The following FBN3 variants were observed in gnomAD, a reference collection of about 807,000 sequenced individuals.
The protein encoded by FBN3 is fibrillin 3, also known as fibrillin-3.
Under a neutral mutation model 330.1 loss-of-function variants are expected in FBN3, and 234 were observed. The ratio of observed to expected loss-of-function variants is 0.71; its 90% CI spans 0.64 to 0.79. FBN3 has a LOEUF of 0.79. Ranked by LOEUF, FBN3 falls within the 30% of genes least tolerant of loss-of-function variation. The pLI, the probability that FBN3 is intolerant of heterozygous loss-of-function variation, is 0.00. For synonymous variants in FBN3, 1,458 were observed against 1,517.3 expected (o/e 0.96, Z 0.91); for missense variants, 3,606 against 3,886.9 (o/e 0.93, Z 1.92).
At position 8,130,567 on chromosome 19, in the gene FBN3, GGAAAGAAAGAAAGAATGAAAGAAAGAAA is replaced by G. The variant is rs1463804535; in HGVS notation, c.2044+640_2044+667del. ...GAAAGAAAGAGAGAGAGAGAGAGAA[GGAAAGAAAGAAAGAATGAAAGAAAGAAA>G]GAAAGAAAGAAAGAAAGAAAGAAAG... On this transcript the variant is annotated intron_variant, in intron 16 of 63. Coordinates refer to ENST00000600128, the MANE Select transcript of FBN3 (RefSeq NM_032447.5). 1.3e-4 allele frequency among the ~76,000 whole-genome samples: 6 copies of G among 47,102 alleles called. 2 individuals carry two copies. Among genetic ancestry groups the G allele is most frequent in the African/African-American group, 6.7e-4 (6 of 9,014 alleles). 30.9% of individuals were successfully genotyped at this position (47,102 alleles called of 152,430 possible).
chr19:8,125,799 A>C, intron 22 of FBN3, 93 bp downstream of exon 22: 1 of 1,413,822 alleles, frequency 7.1e-7, no homozygotes, highest in South Asian at 1.6e-5. Flanking sequence ...TCAAAAAAAA[A>C]AAAAAAAATC....
At chr19:8,095,125 C>T (rs1178592235) in intron 46 of FBN3, among the ~76,000 whole-genome samples, 3 of 152,098 alleles carry the variant, frequency 2.0e-5, no homozygotes, top group Non-Finnish European at 4.4e-5. Flanking sequence ...GCAATAGCCA[C>T]CACTCCTGGC....
chr19:8,117,108 C>T, intron 28 of FBN3, 61 bp downstream of exon 28: 3 of 1,601,862 alleles, frequency 1.9e-6, no homozygotes, highest in Non-Finnish European at 2.6e-6. Flanking sequence ...GTGCAGGACC[C>T]AGCCAACACC....
In FBN3 at chr19:8,072,743, C is replaced by T. The variant is rs148676640; in HGVS notation, c.7937+320G>A. 7.2e-3 allele frequency among the ~76,000 whole-genome samples: 1,088 copies of T among 151,878 alleles called. 10 individuals are homozygous for T. The highest frequency in any genetic ancestry group is 9.9e-3 in the Non-Finnish European group (670 of 67,938). ...GTGCACACACACACACACACACACA[C>T]GTGTGCATGCTGGGATCTGTAAATG... On this transcript the variant is annotated intron_variant, in intron 62 of 63. Coordinates refer to ENST00000600128, the MANE Select transcript of FBN3 (RefSeq NM_032447.5).
At chr19:8,104,366 G>A (rs948621367) in intron 38 of FBN3, among the ~76,000 whole-genome samples, 1 of 151,142 alleles carries the variant, frequency 6.6e-6, no homozygotes, top group African/African-American at 2.4e-5. Context: ...AGCTACTTGA[G>A]AGGCAGAGGT....
In FBN3 at chr19:8,129,432, T is replaced by C; in HGVS notation, c.2045-67A>G. ...GTGTGTCCGAGGCAGGAGGAGGGTG[T>C]GTCGCGGCGCACCAGGGGTCTCTAG... On this transcript the variant is annotated intron_variant, in intron 16 of 63. Coordinates refer to ENST00000600128, the MANE Select transcript of FBN3 (RefSeq NM_032447.5). This position sits in a 1 kb window ranked among gnomAD's most constrained non-coding sequence, Gnocchi z 4.5. 1 of 1,587,288 alleles carries C rather than the reference T, an allele frequency of 6.3e-7. No individual in the cohort carries two copies. The highest frequency in any genetic ancestry group is 1.8e-4 in the Middle Eastern group (1 of 5,604).
intron 55 of FBN3, among the ~76,000 whole-genome samples, chr19:8,085,883 C>T (rs1006534839): frequency 2.0e-5 from 3 of 151,868 alleles, no homozygotes; most frequent in African/African-American, 7.3e-5. Flanking sequence ...GAGCACTGGA[C>T]ATGTGTGTCC....
intron 57 of FBN3, among the ~76,000 whole-genome samples, chr19:8,082,460 T>TC (rs1230298533): frequency 1.5e-4 from 4 of 25,960 alleles, no homozygotes; most frequent in Non-Finnish European, 3.2e-4. Context: ...TCCCTTCCCT[T>TC]CCTTCCTTCC....
intron 6 of FBN3, among the ~76,000 whole-genome samples, chr19:8,143,560 G>A (rs564860620): frequency 2.5e-4 from 37 of 146,608 alleles, no homozygotes; most frequent in African/African-American, 7.4e-4. Context: ...ACAGTGGTGC[G>A]ATCTTGGCTC....
chr19:8,083,889 G>A (rs1424330806), intron 56 of FBN3, among the ~76,000 whole-genome samples: 8 of 147,840 alleles, frequency 5.4e-5, no homozygotes, highest in East Asian at 2.0e-4. Context: ...TGCAAGCTCC[G>A]CCTCCCGGGT....
At chr19:8,127,791 T>C (rs146787035) in intron 18 of FBN3, among the ~76,000 whole-genome samples, 1 of 152,190 alleles carries the variant, frequency 6.6e-6, no homozygotes, top group African/African-American at 2.4e-5. Flanking sequence ...GAGACCAGCC[T>C]GGCCAACACG....
chr19:8,118,993 G>T lies in FBN3; in HGVS notation c.3241C>A (p.Leu1081Ile). 6.2e-7 allele frequency: 1 copy of T among 1,609,370 alleles called. No individual in the cohort carries two copies. The highest frequency in any genetic ancestry group is 8.5e-7 in the Non-Finnish European group (1 of 1,176,264). ...TTGGTGCAAGTGCCTCCCCGGCAGA[G>T]CAGCGGGTCCCTTGCACACTCGTCC... is the stretch of plus-strand genomic sequence containing the variant. ...DVDECARDPLLCRGGTCTNTD... is the reference protein window; with the variant it reads ...DVDECARDPLICRGGTCTNTD... Residue 1081 changes from leucine to isoleucine, a missense_variant, in exon 26 of 64, where the codon CTC (leucine) becomes ATC (isoleucine). Leu to Ile is a conservative substitution (Grantham distance 5, BLOSUM62 2). Transcript: ENST00000600128.
chr19:8,076,247 C>CATGTGTGTGTGTGTGTGT (rs60725609), intron 59 of FBN3, among the ~76,000 whole-genome samples: 1,732 of 147,714 alleles, frequency 0.012, 46 homozygotes, highest in African/African-American at 0.034. Flanking sequence ...TGTCCGTGTG[C>CATGTGTGTGTGTGTGTGT]GTGTGTGTGT....
chr19:8,068,061 C>A (rs1458645548), intron 63 of FBN3, among the ~76,000 whole-genome samples: 6 of 150,760 alleles, frequency 4.0e-5, no homozygotes, highest in Admixed American at 3.3e-4. Flanking sequence ...AGACCCTGCT[C>A]CCCAAAAAAA....
At position 8,131,762 on chromosome 19, in the gene FBN3, G is replaced by C. The variant is rs892576240; in HGVS notation, c.1782C>G (p.Phe594Leu). The change falls in exon 15 of 64, where the codon TTC (phenylalanine) becomes TTG (leucine). Residue 594 changes from phenylalanine to leucine, a missense_variant. Phe to Leu is a conservative substitution (Grantham distance 22). Coordinates refer to ENST00000600128, the MANE Select transcript of FBN3 (RefSeq NM_032447.5). The surrounding 1 kb of genome is among the most constrained non-coding windows in gnomAD (Gnocchi z 4.5). ...CCAGCCCCCCCAGGCACTGGCAGCGGAAGGAGCCCTCGGTGTTGGTACAGT... is the reference window on the plus strand; with the variant it reads ...CCAGCCCCCCCAGGCACTGGCAGCGCAAGGAGCCCTCGGTGTTGGTACAGT... Reference protein sequence around the residue: ...NGHCTNTEGSFRCQCLGGLAV... With the variant: ...NGHCTNTEGSLRCQCLGGLAV... 2 of 1,613,188 alleles carry C rather than the reference G, an allele frequency of 1.2e-6. No individual in the cohort carries two copies. The highest frequency in any genetic ancestry group is 2.7e-5 in the African/African-American group (2 of 74,912).
intron 62 of FBN3, 46 bp downstream of exon 62, chr19:8,073,015 GGA>G (rs1568352441): frequency 3.3e-6 from 4 of 1,215,010 alleles, no homozygotes; most frequent in African/African-American, 1.5e-5. Flanking sequence ...GTGCGTGCAT[GGA>G]CGCTTGCGGG....
chr19:8,076,702 AT>A (rs2081650459), intron 59 of FBN3, among the ~76,000 whole-genome samples: 1 of 152,122 alleles, frequency 6.6e-6, no homozygotes, highest in Non-Finnish European at 1.5e-5. Context: ...TATTTGCATA[AT>A]TTTAAATGGC....
rs752557467 is a variant in FBN3, at chr19:8,083,358, G to A, written c.7102C>T (p.Arg2368Cys). Residue 2368 changes from arginine (R) to cysteine (C), a missense_variant, in exon 57 of 64, where the codon CGT becomes TGT. Coordinates refer to ENST00000600128, the MANE Select transcript of FBN3 (RefSeq NM_032447.5). ...TAEGRDVDEC[R>C]MLAHLCAHGE... is the part of the protein sequence containing the mutation. ...TGAGCACACAGGTGAGCAAGCATACGGCATTCATCTACATCTGGGAAAAAG... is the reference window on the plus strand; with the variant it reads ...TGAGCACACAGGTGAGCAAGCATACAGCATTCATCTACATCTGGGAAAAAG... 50 of 1,613,872 alleles carry A rather than the reference G, an allele frequency of 3.1e-5. No individual in the cohort carries two copies. The South Asian group carries it at 4.4e-4, about 14-fold the overall frequency.
chr19:8,146,154 G>T lies in FBN3; in HGVS notation c.322C>A (p.Leu108Met), dbSNP rs751250905. ...CGGCTCACCCCGCAGCTGGGAGCCAGCGTCCCATCCGCACAGGTGCACAGG... is the reference window on the plus strand; with the variant it reads ...CGGCTCACCCCGCAGCTGGGAGCCATCGTCCCATCCGCACAGGTGCACAGG... ...PNLCTCADGT[L>M]APSCGVSRGS... Residue 108 changes from leucine to methionine, a missense_variant, in exon 4 of 64, where the codon CTG (leucine) becomes ATG (methionine). Physicochemically the swap from Leu to Met is conservative, Grantham distance 15. Transcript: ENST00000600128. 2.9e-5 allele frequency: 46 copies of T among 1,601,006 alleles called. 1 individual carries two copies. Among genetic ancestry groups the T allele is most frequent in the Non-Finnish European group, 2.6e-6 (3 of 1,175,240 alleles).
Sources: allele counts gnomAD v4.1 joint callset (sites outside exome capture counted in the v4.1 genomes callset), GRCh38; gene constraint gnomAD v4.1.1; non-coding constraint Gnocchi (gnomAD v3.1); transcripts MANE v1.5; gene names NCBI Gene and HGNC (gene_info 2026-07-23, HGNC 2026-07-21).